CSNK2A2IP: variants seen among roughly 807,000 people sequenced by gnomAD.
CSNK2A2IP encodes the protein casein kinase 2 subunit alpha' interacting protein.
the CSNK2A2IP span, among the ~76,000 whole-genome samples, chr3:88,449,291 T>A: frequency 3.8e-4 from 58 of 152,334 alleles, no homozygotes; most frequent in African/African-American, 1.4e-3. Flanking sequence ...CTAAGATATA[T>A]GTTAGCATGT....
the CSNK2A2IP span, among the ~76,000 whole-genome samples, chr3:88,387,550 T>A: frequency 6.6e-6 from 1 of 152,192 alleles, no homozygotes. Context: ...ATATTTTTTA[T>A]GGTAGTGTGT....
the CSNK2A2IP span, among the ~76,000 whole-genome samples, chr3:88,395,974 T>C: frequency 6.6e-6 from 1 of 152,230 alleles, no homozygotes; most frequent in Non-Finnish European, 1.5e-5. Flanking sequence ...AGTTGCTTGT[T>C]TTATCCTGGA....
chr3:88,369,457 T>C, the CSNK2A2IP span, among the ~76,000 whole-genome samples: 2 of 151,888 alleles, frequency 1.3e-5, no homozygotes, highest in African/African-American at 4.8e-5. Context: ...CAGAAGAGTT[T>C]ATTACTGAAA....
chr3:88,397,846 GT>G, the CSNK2A2IP span, among the ~76,000 whole-genome samples: 2 of 151,778 alleles, frequency 1.3e-5, no homozygotes, highest in African/African-American at 4.8e-5. Context: ...AAAGTGAACA[GT>G]AAGAAGTGTC....
At chr3:88,463,848 C>A in the CSNK2A2IP span, among the ~76,000 whole-genome samples, 1 of 152,016 alleles carries the variant, frequency 6.6e-6, no homozygotes, top group African/African-American at 2.4e-5. Context: ...AAGACACATG[C>A]ACACGTATGT....
the CSNK2A2IP span, among the ~76,000 whole-genome samples, chr3:88,344,981 A>C: frequency 1.3e-5 from 2 of 151,990 alleles, no homozygotes; most frequent in Non-Finnish European, 2.9e-5. Flanking sequence ...AGCAGTGCTT[A>C]AGGATTTGGA....
At chr3:88,461,611 G>A in the CSNK2A2IP span, among the ~76,000 whole-genome samples, 2 of 151,962 alleles carry the variant, frequency 1.3e-5, no homozygotes, top group Non-Finnish European at 2.9e-5. Context: ...TTTTCCAAAG[G>A]AGTTGTATCA....
At chr3:88,367,267 G>A in the CSNK2A2IP span, among the ~76,000 whole-genome samples, 1 of 151,998 alleles carries the variant, frequency 6.6e-6, no homozygotes, top group South Asian at 2.1e-4. Flanking sequence ...ATAGTTTTGG[G>A]GGAAGCCAAA....
chr3:88,400,833 T>C, the CSNK2A2IP span, among the ~76,000 whole-genome samples: 3 of 152,194 alleles, frequency 2.0e-5, no homozygotes, highest in Non-Finnish European at 2.9e-5. Context: ...TGGCACATTG[T>C]TATATAAGCA....
chr3:88,464,378 A>T, the CSNK2A2IP span, among the ~76,000 whole-genome samples: 1 of 151,424 alleles, frequency 6.6e-6, no homozygotes, highest in Non-Finnish European at 1.5e-5. Flanking sequence ...CACCGATGTG[A>T]TTACTTAGGA....
chr3:88,340,400 G>A, the CSNK2A2IP span, among the ~76,000 whole-genome samples: 1 of 151,960 alleles, frequency 6.6e-6, no homozygotes, highest in Admixed American at 6.6e-5. Context: ...CACGGTGTTA[G>A]AGATGAACTG....
the CSNK2A2IP span, among the ~76,000 whole-genome samples, chr3:88,384,212 C>T: frequency 1.3e-4 from 19 of 151,942 alleles, no homozygotes; most frequent in African/African-American, 4.1e-4. Context: ...ATACATAAAA[C>T]AAGATAAACA....
chr3:88,390,538 C>A, the CSNK2A2IP span, among the ~76,000 whole-genome samples: 1 of 152,112 alleles, frequency 6.6e-6, no homozygotes, highest in South Asian at 2.1e-4. Context: ...ATGTACCAGG[C>A]ACAAATATTT....
chr3:88,442,153 C>T, the CSNK2A2IP span, among the ~76,000 whole-genome samples: 2 of 152,062 alleles, frequency 1.3e-5, no homozygotes, highest in Non-Finnish European at 2.9e-5. Context: ...GACACACATG[C>T]ACACAAACAC....
At chr3:88,403,015 T>C in the CSNK2A2IP span, among the ~76,000 whole-genome samples, 2 of 152,116 alleles carry the variant, frequency 1.3e-5, no homozygotes, top group African/African-American at 4.8e-5. Context: ...TATTTAACCC[T>C]ATGTCCTAAT....
chr3:88,441,271 G>A, the CSNK2A2IP span, among the ~76,000 whole-genome samples: 4 of 152,116 alleles, frequency 2.6e-5, no homozygotes, highest in Non-Finnish European at 5.9e-5. Flanking sequence ...GTCTGGGTCT[G>A]GAAGACAAGT....
At chr3:88,341,258 A>G in the CSNK2A2IP span, among the ~76,000 whole-genome samples, 1 of 151,890 alleles carries the variant, frequency 6.6e-6, no homozygotes, top group East Asian at 1.9e-4. Context: ...AAAAACCAAA[A>G]TCATAAAATG....
At chr3:88,384,326 T>C in the CSNK2A2IP span, among the ~76,000 whole-genome samples, 1 of 151,456 alleles carries the variant, frequency 6.6e-6, no homozygotes, top group African/African-American at 2.4e-5. Context: ...TGACTTTCTT[T>C]CTCCCTCTCT....
At chr3:88,418,202 T>G in the CSNK2A2IP span, among the ~76,000 whole-genome samples, 1 of 152,160 alleles carries the variant, frequency 6.6e-6, no homozygotes, top group Non-Finnish European at 1.5e-5. Context: ...CATTGGAATG[T>G]TTGAGAGGGT....
Sources: gnomAD v4.1 joint callset for allele counts (sites outside exome capture counted in the v4.1 genomes callset) on GRCh38, gnomAD v4.1.1 for gene constraint, MANE v1.5 for transcripts, NCBI Gene and HGNC (gene_info 2026-07-23, HGNC 2026-07-21) for gene names.